RBSN: variants seen among roughly 807,000 people sequenced by gnomAD.
The protein encoded by RBSN is rabenosyn-5.
In RBSN, 34 loss-of-function variants were observed where a neutral mutation model predicts 60.5. The ratio of observed to expected loss-of-function variants is 0.56; its 90% CI spans 0.43 to 0.75. The LOEUF (loss-of-function observed/expected upper bound fraction) is 0.75, where lower values mean the gene tolerates loss of function less well. RBSN is among the 30% of genes least tolerant of loss of function. RBSN has a pLI of 0.00. For missense variants in RBSN, 845 were observed against 986.8 expected, an observed-to-expected ratio of 0.86 and a Z score of 1.92; for synonymous variants, 322 against 366.9, an observed-to-expected ratio of 0.88 and a Z score of 1.40.
rs550571960 is a variant in RBSN at position 15,074,121 on chromosome 3, TTCC to T, written c.2013_2015del (p.Glu672del). On this transcript the variant is annotated inframe_deletion, in exon 14 of 14. Coordinates refer to ENST00000253699, the MANE Select transcript of RBSN (RefSeq NM_022340.4). The surrounding 1 kb of genome is among the most constrained non-coding windows in gnomAD (Gnocchi z 6.4). ...GAATGAATGGATTCCCTGCCACTGC[TTCC>T]TCCTCCTCGTCCTCTTCCTCGAAAG... 67 of 1,614,146 alleles carry T rather than the reference TTCC, an allele frequency of 4.2e-5. No homozygotes were observed. In the South Asian group the frequency reaches 6.9e-4, roughly 17 times the overall value.
rs2042989116 is a variant in RBSN, at chr3:15,074,201, C to T, written c.1936G>A (p.Ala646Thr). Residue 646 changes from alanine to threonine, a missense_variant, in exon 14 of 14, where the codon GCT becomes ACT. Physicochemically the swap from Ala to Thr is moderately conservative, Grantham distance 58. Coordinates refer to ENST00000253699, the MANE Select transcript of RBSN (RefSeq NM_022340.4). The surrounding 1 kb of genome is among the most constrained non-coding windows in gnomAD (Gnocchi z 6.4). ...PMEEATTGPPAAGVSLDPSAR... is the reference protein window; with the variant it reads ...PMEEATTGPPTAGVSLDPSAR... The stretch of plus-strand genomic sequence containing the variant: ...GAAGGGTCTAAGGAAACCCCTGCAG[C>T]AGGAGGACCAGTAGTGGCCTCTTCC... The T allele has an allele frequency of 6.2e-7, 1 of 1,609,858 alleles. No homozygotes were observed. The highest frequency in any genetic ancestry group is 1.7e-5 in the Admixed American group (1 of 59,718).
chr3:15,078,753 C>T (rs1254505604), intron 10 of RBSN, among the ~76,000 whole-genome samples: 2 of 86,506 alleles, frequency 2.3e-5, no homozygotes, highest in African/African-American at 5.9e-5. Context: ...GAGCAAAACT[C>T]GGTCTCAAAA....
At chr3:15,085,157 T>C in intron 6 of RBSN, 112 bp from the exon 7 acceptor site, 1 of 1,275,382 alleles carries the variant, frequency 7.8e-7, no homozygotes, top group Non-Finnish European at 1.1e-6. Flanking sequence ...TCAAGTCTCA[T>C]CTGTCATCCC....
chr3:15,094,008 G>C (rs945147151), intron 4 of RBSN, among the ~76,000 whole-genome samples: 2 of 152,124 alleles, frequency 1.3e-5, no homozygotes, highest in Admixed American at 1.3e-4. Flanking sequence ...CCCAGCCAAG[G>C]ATCCTTTCAA....
intron 2 of RBSN, among the ~76,000 whole-genome samples, chr3:15,097,321 C>A (rs979216899): frequency 6.6e-6 from 1 of 152,058 alleles, no homozygotes; most frequent in Non-Finnish European, 1.5e-5. Context: ...TCGAGACCAG[C>A]CTGGCCAATA....
In RBSN at chr3:15,074,720, C is replaced by G. The variant is rs1216578103; in HGVS notation, c.1417G>C (p.Ala473Pro). ...TCATCCATGCGGCCCGCGGCCTTGG[C>G]CTGCCTGATGAATGATGTGATGTTG... ...IHNITSFIRQ[A>P]KAAGRMDEVR... The change falls in exon 14 of 14, where the codon GCC becomes CCC. Residue 473 changes from alanine to proline, a missense_variant. Physicochemically the swap from Ala to Pro is conservative, Grantham distance 27. Coordinates refer to ENST00000253699, the MANE Select transcript of RBSN (RefSeq NM_022340.4). This position sits in a 1 kb window ranked among gnomAD's most constrained non-coding sequence, Gnocchi z 6.4. The G allele has an allele frequency of 6.2e-7, 1 of 1,614,270 alleles. No homozygotes were observed. The highest frequency in any genetic ancestry group is 8.5e-7 in the Non-Finnish European group (1 of 1,180,056).
chr3:15,085,846 G>A lies in RBSN; in HGVS notation c.390+15C>T. On this transcript the variant is annotated intron_variant, in intron 6 of 13. Transcript: ENST00000253699. ...GTATTTGTAGAAAAAAATGTTTTAA[G>A]ACAACAAAATTTACCTTCTCTAACC... 6.2e-7 allele frequency: 1 copy of A among 1,601,190 alleles called. No individual in the cohort carries two copies. Among genetic ancestry groups the A allele is most frequent in the African/African-American group, 1.3e-5 (1 of 74,482 alleles).
intron 10 of RBSN, among the ~76,000 whole-genome samples, chr3:15,078,400 C>T (rs1052172585): frequency 1.3e-5 from 2 of 152,144 alleles, no homozygotes; most frequent in South Asian, 2.1e-4. Context: ...CAAGGACTAG[C>T]CCTTATGCTC....
rs188059850 is a variant in RBSN at position 15,070,590 on chromosome 3, T to C, written c.*3192A>G. On this transcript the variant is annotated 3_prime_UTR_variant, in exon 14 of 14. Coordinates refer to ENST00000253699, the MANE Select transcript of RBSN (RefSeq NM_022340.4). ...AACTTGAAGTTGTGGTTATAATACA[T>C]AGGCCAAGTTTGCCTGCTGTCAACC... The C allele has an allele frequency of 2.6e-5, 4 of 152,772 alleles. No homozygotes were observed. Among genetic ancestry groups the C allele is most frequent in the Admixed American group, 1.3e-4 (2 of 15,300 alleles). 9.5% of individuals were successfully genotyped at this position (152,772 alleles called of 1,614,324 possible).
chr3:15,081,665 C>G (rs940056028), intron 9 of RBSN: 5 of 152,584 alleles, frequency 3.3e-5, no homozygotes, highest in African/African-American at 1.2e-4. Context: ...TTACACTCTT[C>G]CTCTGTTCAG....
In RBSN at chr3:15,073,252, G is replaced by A. The variant is rs9826236; in HGVS notation, c.*530C>T. On this transcript the variant is annotated 3_prime_UTR_variant, in exon 14 of 14. Transcript: ENST00000253699. ...AGGAAGTGCAGAGCAGGGGAGAGGCGGCCCCAGGTGAAATGGAACTCACAG... is the reference window on the plus strand; with the variant it reads ...AGGAAGTGCAGAGCAGGGGAGAGGCAGCCCCAGGTGAAATGGAACTCACAG... The A allele has an allele frequency of 0.053, 8,103 of 153,804 alleles. 259 individuals are homozygous for A. Among genetic ancestry groups the A allele is most frequent in the East Asian group, 0.13 (655 of 5,196 alleles). 9.5% of individuals were successfully genotyped at this position (153,804 alleles called of 1,614,324 possible). A position where few individuals can be genotyped will look rare whatever the true frequency, so the allele number is the denominator to read the frequency against.
chr3:15,092,740 G>A (rs2043550228), intron 4 of RBSN, among the ~76,000 whole-genome samples: 1 of 152,204 alleles, frequency 6.6e-6, no homozygotes, highest in South Asian at 2.1e-4. Context: ...TAACAGGGGA[G>A]AGAAAACTGC....
intron 2 of RBSN, among the ~76,000 whole-genome samples, chr3:15,097,177 T>C (rs2043683031): frequency 6.6e-6 from 1 of 152,112 alleles, no homozygotes; most frequent in Admixed American, 6.5e-5. Context: ...TATAAGCCAT[T>C]AAGTGACAGT....
Position 15,084,532 on chromosome 3 carries a change from TC to T in RBSN, c.598+202del, listed in dbSNP as rs2043287118. Among the ~76,000 whole-genome samples, 1 of 152,212 alleles carries T rather than the reference TC, an allele frequency of 6.6e-6. No individual in the cohort carries two copies. Among genetic ancestry groups the T allele is most frequent in the South Asian group, 2.1e-4 (1 of 4,830 alleles). On this transcript the variant is annotated intron_variant, in intron 8 of 13. Coordinates refer to ENST00000253699, the MANE Select transcript of RBSN (RefSeq NM_022340.4). The surrounding 1 kb of genome is among the most constrained non-coding windows in gnomAD (Gnocchi z 4.2). ...TCTGATCCTTTACAAAGTTTGCCAA[TC>T]CCTGTTATAGACCACTGTATCCCTG... is the stretch of plus-strand genomic sequence containing the variant.
chr3:15,071,793 A>T lies in RBSN; in HGVS notation c.*1989T>A, dbSNP rs936624832. 6.5e-6 allele frequency: 1 copy of T among 152,702 alleles called. No homozygotes were observed. Among genetic ancestry groups the T allele is most frequent in the East Asian group, 1.9e-4 (1 of 5,202 alleles). 9.5% of individuals were successfully genotyped at this position (152,702 alleles called of 1,614,324 possible). A position where few individuals can be genotyped will look rare whatever the true frequency, so the allele number is the denominator to read the frequency against. ...CAAAATGAATTTCAGCTTTCACACC[A>T]GTAACCAGTGAAAGTATGGCCTAGA... On this transcript the variant is annotated 3_prime_UTR_variant, in exon 14 of 14. Coordinates refer to ENST00000253699, the MANE Select transcript of RBSN (RefSeq NM_022340.4).
chr3:15,073,078 C>T lies in RBSN; in HGVS notation c.*704G>A, dbSNP rs1184277589. ...TTGATACCCTGCACTGGGAGCTTAA[C>T]TTCCTGAAAGAGACAAAAAAGAACT... On this transcript the variant is annotated 3_prime_UTR_variant, in exon 14 of 14. Transcript: ENST00000253699. The T allele has an allele frequency of 6.6e-6, 1 of 152,238 alleles. No individual in the cohort carries two copies. Among genetic ancestry groups the T allele is most frequent in the African/African-American group, 2.4e-5 (1 of 41,466 alleles). The allele number at this position is 152,238 out of a possible 1,614,324, so 9.4% of individuals were successfully genotyped here.
Position 15,084,001 on chromosome 3 carries a change from CCTTATAGG to C in RBSN, c.598+726_598+733del, listed in dbSNP as rs1225708908. On this transcript the variant is annotated intron_variant, in intron 8 of 13. Transcript: ENST00000253699. The surrounding 1 kb of genome is among the most constrained non-coding windows in gnomAD (Gnocchi z 4.2). Reference sequence around the variant, plus strand: ...AGACTCCTTGGAAGAATGGACAATGCCTTATAGGCTTATAGGCCAGAAATGGGCAAAAA... The same window carrying C: ...AGACTCCTTGGAAGAATGGACAATGCCTTATAGGCCAGAAATGGGCAAAAA... Among the ~76,000 whole-genome samples, 2 of 152,202 alleles carry C rather than the reference CCTTATAGG, an allele frequency of 1.3e-5. No individual in the cohort carries two copies. Among genetic ancestry groups the C allele is most frequent in the African/African-American group, 4.8e-5 (2 of 41,448 alleles).
chr3:15,074,967 C>T lies in RBSN; in HGVS notation c.1207-37G>A. On this transcript the variant is annotated intron_variant, in intron 13 of 13. Coordinates refer to ENST00000253699, the MANE Select transcript of RBSN (RefSeq NM_022340.4). This position sits in a 1 kb window ranked among gnomAD's most constrained non-coding sequence, Gnocchi z 6.4. ...GCAAAGCAGAGAGAAGAAACAGTCACTATGCTGGCAGCAGCCCACACTGTC... is the reference window on the plus strand; with the variant it reads ...GCAAAGCAGAGAGAAGAAACAGTCATTATGCTGGCAGCAGCCCACACTGTC... 6.4e-7 allele frequency: 1 copy of T among 1,565,452 alleles called. No individual in the cohort carries two copies. Among genetic ancestry groups the T allele is most frequent in the Non-Finnish European group, 8.6e-7 (1 of 1,159,746 alleles).
intron 5 of RBSN, among the ~76,000 whole-genome samples, chr3:15,089,754 G>A (rs2043457787): frequency 6.6e-6 from 1 of 151,970 alleles, no homozygotes; most frequent in South Asian, 2.1e-4. Context: ...GGGACTACAG[G>A]CGCCCGCCAC....
Sources: gnomAD v4.1 joint callset for allele counts (sites outside exome capture counted in the v4.1 genomes callset) on GRCh38, gnomAD v4.1.1 for gene constraint, Gnocchi (gnomAD v3.1) non-coding constraint, MANE v1.5 for transcripts, NCBI Gene and HGNC (gene_info 2026-07-23, HGNC 2026-07-21) for gene names.